Variants in RBM45 observed in about 807,000 individuals in gnomAD.
RBM45 encodes RNA binding motif protein 45, also known as RNA-binding protein 45.
Under a neutral mutation model 58.5 loss-of-function variants are expected in RBM45, and 39 were observed. The ratio of observed to expected loss-of-function variants is 0.67; its 90% CI spans 0.52 to 0.87. The LOEUF is 0.87. Ranked by LOEUF, RBM45 falls within the 40% of genes least tolerant of loss-of-function variation. RBM45 has a pLI of 0.00. For missense variants in RBM45, 481 were observed against 581.6 expected, an observed-to-expected ratio of 0.83 and a Z score of 1.78; for synonymous variants, 193 against 203.0, an observed-to-expected ratio of 0.95 and a Z score of 0.42.
chr2:178,121,421 CACACACA>C, intron 5 of RBM45, 62 bp downstream of exon 5: 1 of 745,574 alleles, frequency 1.3e-6, no homozygotes, highest in Non-Finnish European at 1.9e-6. Context: ...CACACACACA[CACACACA>C]CACACACACA....
chr2:178,136,044 C>T (rs2088042133), intron 3 of RBM45, among the ~76,000 whole-genome samples: 1 of 152,204 alleles, frequency 6.6e-6, no homozygotes, highest in Non-Finnish European at 1.5e-5. Context: ...AGTGTGATGG[C>T]TCACGCCTGT....
chr2:178,137,999 G>A (rs954476751), exon 4 of RBM45: 7 of 152,160 alleles, frequency 4.6e-5, no homozygotes, highest in African/African-American at 1.7e-4. Context: ...GATGGCAAGA[G>A]GGCAGGAAAA....
chr2:178,122,752 T>G (rs992726970), intron 5 of RBM45, among the ~76,000 whole-genome samples: 8 of 152,224 alleles, frequency 5.3e-5, no homozygotes, highest in South Asian at 2.1e-4. Flanking sequence ...TCATTTGAAT[T>G]AACTTTATAT....
chr2:178,137,307 G>A (rs1004189831), exon 4 of RBM45: 6 of 152,076 alleles, frequency 3.9e-5, no homozygotes, highest in African/African-American at 1.4e-4. Context: ...AACCGCTTGG[G>A]AAAATGTTTG....
intron 1 of RBM45, among the ~76,000 whole-genome samples, 190 bp downstream of exon 1, chr2:178,113,036 G>T (rs1429958928): frequency 1.3e-5 from 2 of 152,206 alleles, no homozygotes; most frequent in Non-Finnish European, 2.9e-5. Flanking sequence ...GCGCCGGGTT[G>T]CAGGGAAGGG....
downstream of RBM45, among the ~76,000 whole-genome samples, chr2:178,133,663 A>G (rs755768436): frequency 1.3e-5 from 2 of 152,192 alleles, no homozygotes; most frequent in Non-Finnish European, 2.9e-5. Flanking sequence ...AGTGAAATCT[A>G]TTGCCTTTTC....
chr2:178,117,955 G>T, intron 2 of RBM45, 100 bp from the exon 3 acceptor site: 4 of 868,608 alleles, frequency 4.6e-6, no homozygotes, highest in Non-Finnish European at 5.0e-6. Context: ...CTATTTCTTT[G>T]TTTGCATGCA....
chr2:178,135,983 G>C (rs1458846728), intron 3 of RBM45, among the ~76,000 whole-genome samples: 1 of 152,150 alleles, frequency 6.6e-6, no homozygotes, highest in Non-Finnish European at 1.5e-5. Flanking sequence ...AAAAATGGCT[G>C]ACTCCAATTC....
chr2:178,128,436 A>T (rs2087963543), intron 9 of RBM45, among the ~76,000 whole-genome samples: 1 of 152,200 alleles, frequency 6.6e-6, no homozygotes, highest in Non-Finnish European at 1.5e-5. Flanking sequence ...AACCTTTGAG[A>T]TGTCCTCTTA....
chr2:178,138,484 T>G (rs1053987732), exon 4 of RBM45: 1 of 152,148 alleles, frequency 6.6e-6, no homozygotes, highest in Non-Finnish European at 1.5e-5. Context: ...AAGATCCTCT[T>G]CTACACATTT....
At chr2:178,128,029 A>G (rs1238934435) in intron 9 of RBM45, among the ~76,000 whole-genome samples, 5 of 122,978 alleles carry the variant, frequency 4.1e-5, no homozygotes, top group Admixed American at 4.0e-4. Flanking sequence ...TTTTAAACAC[A>G]GAATCTTAGT....
intron 6 of RBM45, 34 bp downstream of exon 6, chr2:178,123,685 C>CT: frequency 6.3e-7 from 1 of 1,587,300 alleles, no homozygotes. Context: ...TAAAGCCGAG[C>CT]TTTGAGTGTA....
chr2:178,136,304 C>T (rs1480282392), intron 3 of RBM45, among the ~76,000 whole-genome samples: 2 of 152,274 alleles, frequency 1.3e-5, no homozygotes, highest in South Asian at 2.1e-4. Context: ...AGCGAGACTC[C>T]GTCTCAAACA....
chr2:178,129,566 T>C lies in RBM45; in HGVS notation c.*178T>C, dbSNP rs1216139065. On this transcript the variant is annotated 3_prime_UTR_variant, in exon 10 of 10. Transcript: ENST00000286070. ...TTGCTGACATGTATTTTTGAATCCA[T>C]ACATTAATGCTAAAACGAATATAGT... 1 of 152,662 alleles carries C rather than the reference T, an allele frequency of 6.6e-6. No individual in the cohort carries two copies. Among genetic ancestry groups the C allele is most frequent in the East Asian group, 1.9e-4 (1 of 5,202 alleles). The allele number at this position is 152,662 out of a possible 1,614,324, so 9.5% of individuals were successfully genotyped here.
rs559588602 is a variant in RBM45, at chr2:178,120,085, G to A, written c.551-202G>A. Among the ~76,000 whole-genome samples the A allele has an allele frequency of 3.3e-5, 5 of 152,284 alleles. No homozygotes were observed. In the South Asian group the frequency reaches 6.2e-4, roughly 19 times the overall value. On this transcript the variant is annotated intron_variant, in intron 3 of 9. Coordinates refer to ENST00000286070, the MANE Select transcript of RBM45 (RefSeq NM_152945.4). ...TGATCTTTCATGTCTACATTGACCC[G>A]TAATTTGGGATACTTGCTGTTTGTC...
downstream of RBM45, among the ~76,000 whole-genome samples, chr2:178,132,800 C>T (rs1405553725): frequency 3.3e-4 from 50 of 152,274 alleles, no homozygotes. Context: ...GTTGGTCAGG[C>T]TGGTCTCAAA....
At chr2:178,117,943 G>T in intron 2 of RBM45, 112 bp from the exon 3 acceptor site, 1 of 734,552 alleles carries the variant, frequency 1.4e-6, no homozygotes, top group Non-Finnish European at 2.1e-6. Context: ...ATTTTATACT[G>T]CCTATTTCTT....
At chr2:178,119,024 C>T (rs2087814885) in intron 3 of RBM45, among the ~76,000 whole-genome samples, 1 of 152,048 alleles carries the variant, frequency 6.6e-6, no homozygotes. Flanking sequence ...GAATTTATAG[C>T]TGTATTGGGT....
chr2:178,136,097 T>G (rs2088042504), intron 3 of RBM45, among the ~76,000 whole-genome samples: 1 of 152,064 alleles, frequency 6.6e-6, no homozygotes, highest in Admixed American at 6.5e-5. Context: ...GATCACGAGG[T>G]CAGGAGATCG....
Sources: allele counts gnomAD v4.1 joint callset (sites outside exome capture counted in the v4.1 genomes callset), GRCh38; gene constraint gnomAD v4.1.1; transcripts MANE v1.5; gene names NCBI Gene and HGNC (gene_info 2026-07-23, HGNC 2026-07-21).